The following BANP variants were observed in gnomAD, a reference collection of about 807,000 sequenced individuals.
BANP encodes protein BANP.
A neutral mutation model predicts 68.1 loss-of-function variants in BANP; 11 were observed. The observed-to-expected ratio is 0.16, with a 90% CI of 0.10 to 0.27. The LOEUF (loss-of-function observed/expected upper bound fraction) is 0.27, where lower values mean the gene tolerates loss of function less well. BANP is among the 10% of genes least tolerant of loss of function. The probability of loss-of-function intolerance (pLI) is 1.00; values close to 1 mark genes in which losing one functional copy is unlikely to be tolerated. For missense variants in BANP, 504 were observed against 722.7 expected, an observed-to-expected ratio of 0.70 and a Z score of 3.47; for synonymous variants, 329 against 303.2, an observed-to-expected ratio of 1.09 and a Z score of -0.88.
At position 88,004,446 on chromosome 16, in the gene BANP, C is replaced by A. The variant is rs1327650524; in HGVS notation, c.479+35C>A. 2.5e-6 allele frequency: 3 copies of A among 1,209,432 alleles called. No homozygotes were observed. The highest frequency in any genetic ancestry group is 1.4e-5 in the South Asian group (1 of 70,462). The allele number at this position is 1,209,432 out of a possible 1,614,324, so 74.9% of individuals were successfully genotyped here. A position where few individuals can be genotyped will look rare whatever the true frequency, so the allele number is the denominator to read the frequency against. On this transcript the variant is annotated intron_variant, in intron 5 of 13. Transcript: ENST00000682872. The surrounding 1 kb of genome is among the most constrained non-coding windows in gnomAD (Gnocchi z 7.0). ...ACGGCACCAACCCCACCTTTCCCTG[C>A]CACTGTGCGGAGTCCCATGAGAATA...
chr16:87,954,487 T>C (rs1342344883), intron 1 of BANP, among the ~76,000 whole-genome samples: 1 of 152,276 alleles, frequency 6.6e-6, no homozygotes, highest in African/African-American at 2.4e-5. Context: ...GCCCCGGGTC[T>C]GTGGGGTGCT....
intron 9 of BANP, among the ~76,000 whole-genome samples, chr16:88,034,480 T>TG (rs397755764): frequency 6.6e-6 from 1 of 152,112 alleles, no homozygotes; most frequent in Non-Finnish European, 1.5e-5. Flanking sequence ...TGATTTTTTT[T>TG]GAATCACATT....
chr16:87,968,348 G>A (rs1272518950), intron 1 of BANP, among the ~76,000 whole-genome samples: 1 of 151,974 alleles, frequency 6.6e-6, no homozygotes, highest in Non-Finnish European at 1.5e-5. Flanking sequence ...GCCGGGCATG[G>A]TGGTGTGCAC....
intron 5 of BANP, 40 bp from the exon 6 acceptor site, chr16:88,006,050 T>C (rs764617068): frequency 1.9e-6 from 3 of 1,612,836 alleles, no homozygotes; most frequent in Non-Finnish European, 2.5e-6. Flanking sequence ...TGCTTGCGGC[T>C]CTTACCACAT....
In BANP at chr16:88,076,732, A is replaced by C. The variant is rs2152939579; in HGVS notation, c.*71A>C. ...CCCGGCCCCCACGCGCCCTGCTCTC[A>C]CGGCCTCGGCACAGGCAGCGGCTGC... On this transcript the variant is annotated 3_prime_UTR_variant, in exon 14 of 14. Coordinates refer to ENST00000682872, the MANE Select transcript of BANP (RefSeq NM_001386991.1). 3 of 1,319,450 alleles carry C rather than the reference A, an allele frequency of 2.3e-6. No homozygotes were observed. In the East Asian group the frequency reaches 7.5e-5, roughly 33 times the overall value. The allele number at this position is 1,319,450 out of a possible 1,614,324, so 81.7% of individuals were successfully genotyped here.
intron 1 of BANP, among the ~76,000 whole-genome samples, chr16:87,962,849 A>T (rs7498885): frequency 9.2e-5 from 14 of 152,124 alleles, no homozygotes; most frequent in African/African-American, 2.9e-4. Flanking sequence ...GTTCCACTTC[A>T]GACTGATTTC....
chr16:87,958,136 T>A (rs2058455919), intron 1 of BANP, among the ~76,000 whole-genome samples: 1 of 152,202 alleles, frequency 6.6e-6, no homozygotes, highest in Non-Finnish European at 1.5e-5. Context: ...CTCCTCTTTG[T>A]GGTGTAGGTC....
intron 4 of BANP, among the ~76,000 whole-genome samples, chr16:87,989,534 G>GTTTTT: frequency 8.5e-6 from 1 of 118,332 alleles, no homozygotes; most frequent in Non-Finnish European, 2.0e-5. Flanking sequence ...AGTGTTGCCC[G>GTTTTT]TCAGGGGATG....
At chr16:88,072,668 C>G (rs2090643141) in intron 13 of BANP, among the ~76,000 whole-genome samples, 1 of 152,264 alleles carries the variant, frequency 6.6e-6, no homozygotes. Context: ...TGTGGATGGC[C>G]CAGCGGGCCC....
chr16:88,017,931 G>C (rs965279102), intron 6 of BANP, among the ~76,000 whole-genome samples: 1 of 152,184 alleles, frequency 6.6e-6, no homozygotes, highest in Non-Finnish European at 1.5e-5. Context: ...GACTGGCATT[G>C]TGTGCACGGG....
chr16:88,068,241 C>G (rs967461408), intron 12 of BANP, among the ~76,000 whole-genome samples: 3 of 152,244 alleles, frequency 2.0e-5, no homozygotes, highest in Non-Finnish European at 4.4e-5. Flanking sequence ...GTGTGCTCCT[C>G]TGCTGCTCGC....
chr16:88,020,338 C>G (rs1175154473), intron 7 of BANP, among the ~76,000 whole-genome samples: 1 of 152,248 alleles, frequency 6.6e-6, no homozygotes, highest in Non-Finnish European at 1.5e-5. Context: ...CCTCCACCCT[C>G]TGCTTTAGGG....
At position 87,973,820 on chromosome 16, in the gene BANP, T is replaced by G. The variant is rs567515161; in HGVS notation, c.-68-1228T>G. Among the ~76,000 whole-genome samples, 8 of 151,544 alleles carry G rather than the reference T, an allele frequency of 5.3e-5. No individual in the cohort carries two copies. In the South Asian group the frequency reaches 8.4e-4, roughly 16 times the overall value. ...GAGTTGCCATTTAAGCTGTAAAATT[T>G]AAATCTAGACAAAGGAGAGGAGGAA... On this transcript the variant is annotated intron_variant, in intron 1 of 13. Transcript: ENST00000682872.
chr16:88,003,958 C>A lies in BANP; in HGVS notation c.363-337C>A. The stretch of plus-strand genomic sequence containing the variant: ...CCCTAGAAGCTTTATTAACTGGGTG[C>A]GATAACAGCTGGTGCGGTTGCAGTC... On this transcript the variant is annotated intron_variant, in intron 4 of 13. Coordinates refer to ENST00000682872, the MANE Select transcript of BANP (RefSeq NM_001386991.1). The surrounding 1 kb of genome is among the most constrained non-coding windows in gnomAD (Gnocchi z 6.1). 3.1e-6 allele frequency: 1 copy of A among 320,538 alleles called. No homozygotes were observed. Among genetic ancestry groups the A allele is most frequent in the East Asian group, 8.7e-5 (1 of 11,558 alleles). The allele number at this position is 320,538 out of a possible 1,614,324, so 19.9% of individuals were successfully genotyped here.
At chr16:88,063,829 C>G (rs532136032) in intron 11 of BANP, among the ~76,000 whole-genome samples, 8 of 152,300 alleles carry the variant, frequency 5.3e-5, no homozygotes, top group Non-Finnish European at 1.2e-4. Flanking sequence ...ACCTCAGAAT[C>G]TAACTTTGCA....
At position 88,024,735 on chromosome 16, in the gene BANP, G is replaced by A. The variant is rs540827944; in HGVS notation, c.896-2748G>A. Among the ~76,000 whole-genome samples, 41 of 152,370 alleles carry A rather than the reference G, an allele frequency of 2.7e-4. 1 individual carries two copies. In the South Asian group the frequency reaches 5.8e-3, roughly 22 times the overall value. On this transcript the variant is annotated intron_variant, in intron 7 of 13. Transcript: ENST00000682872. Reference sequence around the variant, plus strand: ...CCTTTGTGGCCGGCAGGGGGCATTCGCCCAGGCTGGGGCCTGGAGCGCAGA... The same window carrying A: ...CCTTTGTGGCCGGCAGGGGGCATTCACCCAGGCTGGGGCCTGGAGCGCAGA...
Position 88,006,345 on chromosome 16 carries a change from T to C in BANP, c.655+80T>C, listed in dbSNP as rs973837372. 7.3e-6 allele frequency: 11 copies of C among 1,501,260 alleles called. No homozygotes were observed. In the Admixed American group the frequency reaches 8.4e-5, roughly 11 times the overall value. 93.0% of individuals were successfully genotyped at this position (1,501,260 alleles called of 1,614,324 possible). ...TTTGCCTTTTAGAAATTTTGTTGTT[T>C]TTTAAAGAAGTGATACAGTGGCCAG... On this transcript the variant is annotated intron_variant, in intron 6 of 13. Coordinates refer to ENST00000682872, the MANE Select transcript of BANP (RefSeq NM_001386991.1).
Position 88,006,091 on chromosome 16 carries a change from G to T in BANP, c.481G>T (p.Ala161Ser), listed in dbSNP as rs745483519. The change falls in exon 6 of 14, where the codon GCT becomes TCT. Residue 161 changes from alanine to serine, a missense_variant and splice_region_variant. Transcript: ENST00000682872. ...TGGTGTGTTTTTTTTCCCGTTTAGC[G>T]CTGTGCCTGGGCGTCGGCAGAACAC... is the stretch of plus-strand genomic sequence containing the variant. ...PDSLENVISN[A>S]VPGRRQNTIV... The T allele has an allele frequency of 1.7e-5, 27 of 1,613,634 alleles. No homozygotes were observed. In the African/African-American group the frequency reaches 3.5e-4, roughly 21 times the overall value.
intron 4 of BANP, among the ~76,000 whole-genome samples, chr16:87,992,778 A>T (rs2066200746): frequency 7.0e-6 from 1 of 143,040 alleles, no homozygotes; most frequent in African/African-American, 2.7e-5. Context: ...TGGGAGACAG[A>T]GTGAGACTCC....
Sources: gnomAD v4.1 joint callset for allele counts (sites outside exome capture counted in the v4.1 genomes callset) on GRCh38, gnomAD v4.1.1 for gene constraint, Gnocchi (gnomAD v3.1) non-coding constraint, MANE v1.5 for transcripts, NCBI Gene and HGNC (gene_info 2026-07-23, HGNC 2026-07-21) for gene names.